The following SPARC variants were observed in gnomAD, a reference collection of about 807,000 sequenced individuals.
The protein encoded by SPARC is basement-membrane protein 40.
A neutral mutation model predicts 37.7 loss-of-function variants in SPARC; 23 were observed. That is an observed-to-expected ratio of 0.61 (90% CI 0.44 to 0.87). The LOEUF (loss-of-function observed/expected upper bound fraction) is 0.87, where lower values mean the gene tolerates loss of function less well. Ranked by LOEUF, SPARC falls within the 40% of genes least tolerant of loss-of-function variation. SPARC has a pLI of 0.00. For synonymous variants in SPARC, 155 were observed against 150.8 expected (o/e 1.03, Z -0.20); for missense variants, 312 against 389.0 (o/e 0.80, Z 1.66).
At chr5:151,676,570 CAG>C (rs1410461779) in intron 1 of SPARC, among the ~76,000 whole-genome samples, 2 of 152,092 alleles carry the variant, frequency 1.3e-5, no homozygotes, top group Admixed American at 6.5e-5. Flanking sequence ...CAAAGGTACA[CAG>C]AGTTTTTTCC....
intron 1 of SPARC, among the ~76,000 whole-genome samples, chr5:151,681,337 G>A (rs755099706): frequency 2.0e-5 from 3 of 152,206 alleles, no homozygotes; most frequent in Non-Finnish European, 2.9e-5. Flanking sequence ...GCCTCATGAC[G>A]TGGAAGTCAG....
At position 151,664,179 on chromosome 5, in the gene SPARC, T is replaced by C. The variant is rs1760575600; in HGVS notation, c.791A>G (p.His264Arg). The change falls in exon 9 of 10, where the codon CAT becomes CGT. Residue 264 changes from histidine to arginine, a missense_variant. By Grantham distance (29) the His-to-Arg change is conservative. Coordinates refer to ENST00000231061, the MANE Select transcript of SPARC (RefSeq NM_003118.4). Reference protein sequence around the residue: ...PLRAPLIPMEHCTTRFFETCD... With the variant: ...PLRAPLIPMERCTTRFFETCD... ...GGTCTCGAAAAAGCGGGTGGTGCAA[T>C]GCTCCATGGGGATGAGGGGAGCACG... The C allele has an allele frequency of 2.5e-6, 4 of 1,614,030 alleles. No individual in the cohort carries two copies. The highest frequency in any genetic ancestry group is 3.4e-6 in the Non-Finnish European group (4 of 1,180,028).
chr5:151,672,135 G>T (rs1397248032), intron 4 of SPARC, among the ~76,000 whole-genome samples: 1 of 152,184 alleles, frequency 6.6e-6, no homozygotes, highest in African/African-American at 2.4e-5. Flanking sequence ...ACAGACTTAA[G>T]TGGCAGTAAA....
At chr5:151,670,559 T>A (rs780311222) in intron 5 of SPARC, among the ~76,000 whole-genome samples, 2 of 152,180 alleles carry the variant, frequency 1.3e-5, no homozygotes, top group Non-Finnish European at 2.9e-5. Flanking sequence ...CAGCTGTATA[T>A]CCTGAATATG....
At chr5:151,672,853 G>A in intron 4 of SPARC, 1 of 447,038 alleles carries the variant, frequency 2.2e-6, no homozygotes, top group Non-Finnish European at 4.1e-6. Context: ...TGGACTCAGG[G>A]CAAAGAGCTA....
At chr5:151,671,745 A>T in intron 4 of SPARC, 51 bp from the exon 5 acceptor site, 1 of 1,606,312 alleles carries the variant, frequency 6.2e-7, no homozygotes, top group Non-Finnish European at 8.5e-7. Flanking sequence ...TAGCACATCC[A>T]CCCCCATCCT....
At chr5:151,683,871 G>C (rs762029968) in intron 1 of SPARC, among the ~76,000 whole-genome samples, 131 of 152,278 alleles carry the variant, frequency 8.6e-4, no homozygotes, top group Non-Finnish European at 1.7e-3. Flanking sequence ...ATTTTTAGCT[G>C]AGCCAGTGGG....
intron 2 of SPARC, among the ~76,000 whole-genome samples, chr5:151,675,840 T>A (rs1231004933): frequency 2.0e-5 from 3 of 152,164 alleles, no homozygotes; most frequent in African/African-American, 7.2e-5. Context: ...GAATTCCTCA[T>A]ATGACAAAGA....
intron 1 of SPARC, among the ~76,000 whole-genome samples, chr5:151,684,458 T>C (rs1267232580): frequency 1.3e-5 from 2 of 150,262 alleles, no homozygotes; most frequent in Admixed American, 6.6e-5. Flanking sequence ...TTTTCCTACA[T>C]AGAGGGCACA....
intron 2 of SPARC, among the ~76,000 whole-genome samples, chr5:151,675,291 G>A (rs1760831688): frequency 6.6e-6 from 1 of 152,240 alleles, no homozygotes; most frequent in South Asian, 2.1e-4. Context: ...AGAGGATGAG[G>A]GGATCACAGG....
rs7714314 is a variant in SPARC at position 151,676,076 on chromosome 5, C to G, written c.57+56G>C. ...GCATCCAGGGCTGGCAGGCTCAGAACCCCTGGTGCTAGCGGTAGGAATGAA... is the reference window on the plus strand; with the variant it reads ...GCATCCAGGGCTGGCAGGCTCAGAAGCCCTGGTGCTAGCGGTAGGAATGAA... On this transcript the variant is annotated intron_variant, in intron 2 of 9. Transcript: ENST00000231061. 135,169 of 1,450,910 alleles carry G rather than the reference C, an allele frequency of 0.093. 10,201 individuals carry two copies. Among genetic ancestry groups the G allele is most frequent in the African/African-American group, 0.39 (28,124 of 71,734 alleles). 89.9% of individuals were successfully genotyped at this position (1,450,910 alleles called of 1,614,324 possible).
intron 3 of SPARC, among the ~76,000 whole-genome samples, 186 bp from the exon 4 acceptor site, chr5:151,673,402 G>A (rs1416042697): frequency 1.3e-5 from 2 of 152,280 alleles, no homozygotes; most frequent in East Asian, 3.9e-4. Flanking sequence ...GGTCACCAGG[G>A]GTGTTAGGGA....
In SPARC at chr5:151,665,880, T is replaced by C. The variant is rs1760608522; in HGVS notation, c.734+481A>G. Among the ~76,000 whole-genome samples the C allele has an allele frequency of 6.6e-5, 10 of 152,182 alleles. No individual in the cohort carries two copies. The South Asian group carries it at 1.9e-3, about 28-fold the overall frequency. ...GGACAAGGGACAAGAGCCCTCAAAC[T>C]GGGGGCTTGCAAAATAGACAGGCTT... On this transcript the variant is annotated intron_variant, in intron 8 of 9. Transcript: ENST00000231061.
intron 8 of SPARC, among the ~76,000 whole-genome samples, chr5:151,664,543 T>C (rs1358488569): frequency 6.6e-6 from 1 of 152,232 alleles, no homozygotes; most frequent in East Asian, 1.9e-4. Flanking sequence ...GTTTGGTGTA[T>C]TTGATTGTTT....
At chr5:151,664,059 C>A (rs770319176) in intron 9 of SPARC, 28 bp downstream of exon 9, 1 of 1,613,820 alleles carries the variant, frequency 6.2e-7, no homozygotes, top group South Asian at 1.1e-5. Flanking sequence ...TCTGCCCATG[C>A]CCCTTGCTTC....
chr5:151,668,015 C>T (rs1385991009), intron 6 of SPARC, among the ~76,000 whole-genome samples: 1 of 152,204 alleles, frequency 6.6e-6, no homozygotes, highest in Admixed American at 6.5e-5. Flanking sequence ...GTAGAGGACT[C>T]AGGAATGTGT....
chr5:151,666,486 CT>C lies in SPARC; in HGVS notation c.608del (p.Glu203GlyfsTer100). 1 of 1,614,088 alleles carries C rather than the reference CT, an allele frequency of 6.2e-7. No homozygotes were observed. Among genetic ancestry groups the C allele is most frequent in the Non-Finnish European group, 8.5e-7 (1 of 1,179,980 alleles). Reference protein sequence around the residue: ...KLRVKKIHENEKRLEAGDHPV... With the variant: ...KLRVKKIHENXKRLEAGDHPV... The stretch of plus-strand genomic sequence containing the variant: ...GGTGGTCTCCTGCCTCCAGGCGCTT[CT>C]CATTCTCATGGATCTTCTTCACCTG... On this transcript the variant is annotated frameshift_variant, in exon 8 of 10. Coordinates refer to ENST00000231061, the MANE Select transcript of SPARC (RefSeq NM_003118.4). LOFTEE classifies it high-confidence loss of function.
rs530353483 is a variant in SPARC at position 151,663,492 on chromosome 5, C to G, written c.*79G>C. On this transcript the variant is annotated 3_prime_UTR_variant, in exon 10 of 10. Transcript: ENST00000231061. Reference sequence around the variant, plus strand: ...CTTGTCTCCAGGCAGAACAACAAACCATCCAAACATTTTAAACATTGGGGG... The same window carrying G: ...CTTGTCTCCAGGCAGAACAACAAACGATCCAAACATTTTAAACATTGGGGG... The G allele has an allele frequency of 7.2e-5, 100 of 1,379,748 alleles. 1 individual carries two copies. The Admixed American group carries it at 1.7e-3, about 23-fold the overall frequency. 85.5% of individuals were successfully genotyped at this position (1,379,748 alleles called of 1,614,324 possible).
At chr5:151,667,782 C>A in intron 6 of SPARC, 182 bp from the exon 7 acceptor site, 1 of 663,460 alleles carries the variant, frequency 1.5e-6, no homozygotes, top group Non-Finnish European at 2.6e-6. Flanking sequence ...GAAGAATGCC[C>A]TAGAAATGCA....
Sources: allele counts gnomAD v4.1 joint callset (sites outside exome capture counted in the v4.1 genomes callset), GRCh38; gene constraint gnomAD v4.1.1; transcripts MANE v1.5; gene names NCBI Gene and HGNC (gene_info 2026-07-23, HGNC 2026-07-21).